Variants in THSD7B observed in about 807,000 individuals in gnomAD.
THSD7B encodes thrombospondin type 1 domain containing 7B.
A neutral mutation model predicts 213.6 loss-of-function variants in THSD7B; 138 were observed. The observed-to-expected ratio is 0.65, with a 90% CI of 0.56 to 0.74. The LOEUF (loss-of-function observed/expected upper bound fraction) is 0.74. Among genes scored for constraint, THSD7B ranks in the 30% least tolerant of loss-of-function variants. THSD7B has a pLI of 0.00. For missense variants in THSD7B, 1,931 were observed against 1,991.5 expected (o/e 0.97, Z 0.58); for synonymous variants, 742 against 687.0 (o/e 1.08, Z -1.25).
intron 2 of THSD7B, among the ~76,000 whole-genome samples, chr2:136,894,728 A>G (rs1209861066): frequency 6.6e-6 from 1 of 152,220 alleles, no homozygotes; most frequent in Non-Finnish European, 1.5e-5. Flanking sequence ...ATACACATGC[A>G]TCTAATGATA....
At chr2:137,068,989 C>G (rs770022196) in intron 3 of THSD7B, among the ~76,000 whole-genome samples, 1 of 151,976 alleles carries the variant, frequency 6.6e-6, no homozygotes, top group African/African-American at 2.4e-5. Flanking sequence ...TTTTGATAAT[C>G]GCCTCAAACG....
chr2:137,591,735 T>C (rs1244556346), intron 17 of THSD7B, among the ~76,000 whole-genome samples: 2 of 151,912 alleles, frequency 1.3e-5, no homozygotes, highest in African/African-American at 4.8e-5. Context: ...TTGCTTTTAT[T>C]ATAGTGTTTT....
Position 136,814,152 on chromosome 2 carries a change from A to C in THSD7B, c.-36+48465A>C, listed in dbSNP as rs1157002803. Among the ~76,000 whole-genome samples, 3 of 152,332 alleles carry C rather than the reference A, an allele frequency of 2.0e-5. No individual in the cohort carries two copies. The South Asian group carries it at 6.2e-4, about 32-fold the overall frequency. ...TTAGAGTAATTATTGAATAATCATTACATGAACTGCATAAATTGCTTTGTT... is the reference window on the plus strand; with the variant it reads ...TTAGAGTAATTATTGAATAATCATTCCATGAACTGCATAAATTGCTTTGTT... On this transcript the variant is annotated intron_variant, in intron 1 of 27. Transcript: ENST00000409968.
rs941466626 is a variant in THSD7B at position 137,676,980 on chromosome 2, ATGACGAGTC to A, written c.*380_*388del. ...AATACAGTCAAGGCATTTACTCTAA[ATGACGAGTC>A]TGACACTGCATTGTTACGCACTATA... On this transcript the variant is annotated 3_prime_UTR_variant, in exon 28 of 28. Coordinates refer to ENST00000409968, the MANE Select transcript of THSD7B (RefSeq NM_001316349.2). 2.3e-5 allele frequency: 4 copies of A among 172,726 alleles called. No individual in the cohort carries two copies. Among genetic ancestry groups the A allele is most frequent in the African/African-American group, 7.2e-5 (3 of 41,924 alleles). The allele number at this position is 172,726 out of a possible 1,614,324, so 10.7% of individuals were successfully genotyped here.
chr2:136,810,935 G>T (rs780501887), intron 1 of THSD7B, among the ~76,000 whole-genome samples: 1 of 152,148 alleles, frequency 6.6e-6, no homozygotes, highest in Non-Finnish European at 1.5e-5. Context: ...ACTGAATGTG[G>T]GGTGGTAGAT....
chr2:137,287,126 C>T (rs1030080229), intron 12 of THSD7B, among the ~76,000 whole-genome samples: 4 of 151,860 alleles, frequency 2.6e-5, no homozygotes, highest in African/African-American at 7.3e-5. Context: ...GCCATGAACA[C>T]CAGAGTAAAA....
chr2:137,297,002 T>C (rs1304662175), intron 12 of THSD7B, among the ~76,000 whole-genome samples: 1 of 151,962 alleles, frequency 6.6e-6, no homozygotes, highest in African/African-American at 2.4e-5. Flanking sequence ...TCTATTTTTG[T>C]CTCCAGTGAA....
intron 12 of THSD7B, among the ~76,000 whole-genome samples, chr2:137,404,430 GATATATATAT>G (rs59001356): frequency 0.08 from 3,930 of 49,186 alleles, 196 homozygotes; most frequent in East Asian, 0.13. Context: ...GAAACTCTGA[GATATATATAT>G]ATATATATAT....
intron 2 of THSD7B, among the ~76,000 whole-genome samples, chr2:136,893,198 A>G (rs753801451): frequency 3.3e-5 from 5 of 152,176 alleles, no homozygotes; most frequent in Non-Finnish European, 5.9e-5. Context: ...CTTTGCACAT[A>G]TGCTAGAAAA....
At chr2:137,359,686 G>C (rs1409090580) in intron 12 of THSD7B, among the ~76,000 whole-genome samples, 1 of 152,092 alleles carries the variant, frequency 6.6e-6, no homozygotes. Flanking sequence ...AGAACATTTG[G>C]TCACCTCCTG....
intron 15 of THSD7B, among the ~76,000 whole-genome samples, chr2:137,550,222 C>T (rs76801343): frequency 0.074 from 11,226 of 151,476 alleles, 448 homozygotes; most frequent in African/African-American, 0.091. Flanking sequence ...CTCCCTCAGT[C>T]CTGTTAAAAA....
intron 3 of THSD7B, among the ~76,000 whole-genome samples, chr2:137,075,058 T>C (rs902756835): frequency 3.3e-5 from 5 of 152,214 alleles, no homozygotes; most frequent in Admixed American, 2.6e-4. Flanking sequence ...CTGACAATTA[T>C]GTGTCTTGGA....
intron 7 of THSD7B, among the ~76,000 whole-genome samples, chr2:137,202,754 G>A (rs555712342): frequency 1.5e-4 from 23 of 152,258 alleles, no homozygotes; most frequent in African/African-American, 3.8e-4. Flanking sequence ...TTTGAGAAAA[G>A]AGAGGCTGTG....
intron 12 of THSD7B, among the ~76,000 whole-genome samples, chr2:137,313,695 C>A (rs920722765): frequency 5.9e-5 from 9 of 151,540 alleles, no homozygotes; most frequent in East Asian, 5.8e-4. Flanking sequence ...CTTTTAGAGC[C>A]GGCCTGGTGG....
At chr2:137,165,151 T>C (rs1299967680) in intron 6 of THSD7B, among the ~76,000 whole-genome samples, 2 of 152,156 alleles carry the variant, frequency 1.3e-5, no homozygotes, top group Non-Finnish European at 2.9e-5. Context: ...TTGAGATTGA[T>C]GAGAATTAGC....
At chr2:137,043,987 C>G (rs1048593690) in intron 2 of THSD7B, among the ~76,000 whole-genome samples, 9 of 152,170 alleles carry the variant, frequency 5.9e-5, no homozygotes, top group African/African-American at 2.2e-4. Flanking sequence ...TAATCTCACT[C>G]CACGCTCCTC....
intron 7 of THSD7B, among the ~76,000 whole-genome samples, chr2:137,189,476 C>G (rs1680615461): frequency 6.6e-6 from 1 of 152,068 alleles, no homozygotes; most frequent in South Asian, 2.1e-4. Context: ...ACTTAGGAAG[C>G]CACAAGGTCA....
chr2:136,870,118 T>A (rs1573679272), intron 1 of THSD7B, among the ~76,000 whole-genome samples: 1 of 150,528 alleles, frequency 6.6e-6, no homozygotes, highest in South Asian at 2.1e-4. Context: ...GTATTTTAGG[T>A]GGCAGCAGAT....
intron 14 of THSD7B, 94 bp downstream of exon 14, chr2:137,411,966 T>C (rs1686665858): frequency 7.2e-7 from 1 of 1,384,886 alleles, no homozygotes; most frequent in Non-Finnish European, 9.7e-7. Context: ...TGCTCTATAA[T>C]AATTGTTTTA....
Sources: gnomAD v4.1 joint callset for allele counts (sites outside exome capture counted in the v4.1 genomes callset) on GRCh38, gnomAD v4.1.1 for gene constraint, MANE v1.5 for transcripts, NCBI Gene and HGNC (gene_info 2026-07-23, HGNC 2026-07-21) for gene names.